The following AFAP1 variants were observed in gnomAD, a reference collection of about 807,000 sequenced individuals.
The protein encoded by AFAP1 is actin filament associated protein 1.
AFAP1 carries 75 observed loss-of-function variants against 93.9 expected under a neutral mutation model. The ratio of observed to expected loss-of-function variants is 0.80; its 90% confidence interval spans 0.66 to 0.97. AFAP1 has a LOEUF of 0.97. Among genes scored for constraint, AFAP1 ranks in the 50% least tolerant of loss-of-function variants. AFAP1 has a pLI of 0.00. For synonymous variants in AFAP1, 517 were observed against 430.7 expected (o/e 1.20, Z -2.48); for missense variants, 1,201 against 1,050.8 (o/e 1.14, Z -1.98).
chr4:7,857,234 T>C (rs1715170776), intron 3 of AFAP1, among the ~76,000 whole-genome samples: 2 of 152,140 alleles, frequency 1.3e-5, no homozygotes. Flanking sequence ...AGTATGGGGC[T>C]GTTGCGTTTT....
intron 3 of AFAP1, among the ~76,000 whole-genome samples, chr4:7,858,899 T>C (rs560063034): frequency 1.3e-5 from 2 of 152,304 alleles, no homozygotes; most frequent in East Asian, 3.9e-4. Flanking sequence ...CAAAATTCCA[T>C]TGAGAGCTGA....
chr4:7,844,921 T>G (rs1418667191), intron 4 of AFAP1, among the ~76,000 whole-genome samples: 1 of 152,234 alleles, frequency 6.6e-6, no homozygotes, highest in African/African-American at 2.4e-5. Flanking sequence ...GAATGAGAGA[T>G]AAGGAGAACA....
At chr4:7,842,528 G>A (rs1453086695) in intron 5 of AFAP1, among the ~76,000 whole-genome samples, 3 of 151,872 alleles carry the variant, frequency 2.0e-5, no homozygotes, top group South Asian at 2.1e-4. Context: ...AAGGAAGGTG[G>A]GGAGGGAGTG....
At chr4:7,839,926 T>C (rs1324060250) in intron 5 of AFAP1, among the ~76,000 whole-genome samples, 1 of 152,240 alleles carries the variant, frequency 6.6e-6, no homozygotes, top group Non-Finnish European at 1.5e-5. Flanking sequence ...TTTGCAGTTA[T>C]TGTTATTATT....
At chr4:7,800,402 G>A in intron 10 of AFAP1, 40 bp downstream of exon 10, 1 of 1,599,674 alleles carries the variant, frequency 6.3e-7, no homozygotes, top group Non-Finnish European at 8.6e-7. Context: ...ATCACCGCGT[G>A]TGTCCCTCTG....
At chr4:7,923,126 A>G (rs1252740196) in intron 1 of AFAP1, among the ~76,000 whole-genome samples, 6 of 135,610 alleles carry the variant, frequency 4.4e-5, no homozygotes, top group African/African-American at 1.4e-4. Flanking sequence ...GGAAGCTATT[A>G]TAAGAAGACA....
intron 5 of AFAP1, among the ~76,000 whole-genome samples, chr4:7,841,171 G>C (rs1425922852): frequency 6.6e-6 from 1 of 152,226 alleles, no homozygotes; most frequent in East Asian, 1.9e-4. Flanking sequence ...ACAACACCAG[G>C]AGCAAGGAGA....
chr4:7,915,449 A>G (rs1720036165), intron 1 of AFAP1, among the ~76,000 whole-genome samples: 1 of 150,586 alleles, frequency 6.6e-6, no homozygotes, highest in Non-Finnish European at 1.5e-5. Context: ...AGCCTAGACC[A>G]GCCCAGGCAA....
At chr4:7,767,331 T>C (rs753840750) in intron 17 of AFAP1, among the ~76,000 whole-genome samples, 1 of 152,132 alleles carries the variant, frequency 6.6e-6, no homozygotes, top group Non-Finnish European at 1.5e-5. Flanking sequence ...CACACGGTGA[T>C]GGGAGCCCTT....
intron 16 of AFAP1, among the ~76,000 whole-genome samples, chr4:7,770,730 G>A (rs372629841): frequency 1.3e-5 from 2 of 152,240 alleles, no homozygotes; most frequent in East Asian, 3.9e-4. Flanking sequence ...AGCCCAGGAA[G>A]CCCAGCCCCT....
chr4:7,844,719 C>G (rs1713486143), intron 4 of AFAP1, among the ~76,000 whole-genome samples: 1 of 152,370 alleles, frequency 6.6e-6, no homozygotes, highest in East Asian at 1.9e-4. Flanking sequence ...CTTGGAAGGG[C>G]CAATGGCGTA....
At chr4:7,870,682 A>G (rs1355299461) in intron 2 of AFAP1, among the ~76,000 whole-genome samples, 2 of 152,006 alleles carry the variant, frequency 1.3e-5, no homozygotes, top group African/African-American at 2.4e-5. Context: ...TTAATATTTC[A>G]TATTACCCCA....
intron 1 of AFAP1, among the ~76,000 whole-genome samples, chr4:7,885,877 A>G (rs2149201420): frequency 1.3e-5 from 2 of 152,228 alleles, no homozygotes; most frequent in East Asian, 3.8e-4. Flanking sequence ...CTGTGTGAGA[A>G]TACTCGGTGT....
At chr4:7,768,146 G>T (rs982434778) in intron 17 of AFAP1, among the ~76,000 whole-genome samples, 1 of 152,252 alleles carries the variant, frequency 6.6e-6, no homozygotes, top group Admixed American at 6.5e-5. Flanking sequence ...CCGTGTTCCA[G>T]CCCCTCGGGG....
At chr4:7,919,758 A>G (rs1720330688) in intron 1 of AFAP1, among the ~76,000 whole-genome samples, 1 of 152,116 alleles carries the variant, frequency 6.6e-6, no homozygotes, top group Admixed American at 6.6e-5. Context: ...GAGCCCAGCC[A>G]GCATGCATTA....
intron 8 of AFAP1, among the ~76,000 whole-genome samples, chr4:7,812,376 G>A (rs147325876): frequency 8.5e-5 from 13 of 152,146 alleles, no homozygotes; most frequent in African/African-American, 2.6e-4. Context: ...GTGCTTGCTC[G>A]ACTCTGACTG....
chr4:7,903,540 A>G (rs796743206), intron 1 of AFAP1, among the ~76,000 whole-genome samples: 73 of 152,332 alleles, frequency 4.8e-4, no homozygotes, highest in African/African-American at 1.7e-3. Flanking sequence ...TTAGCTGGGC[A>G]TGGTGGTGCA....
At chr4:7,900,909 C>T (rs943113430) in intron 1 of AFAP1, among the ~76,000 whole-genome samples, 3 of 152,108 alleles carry the variant, frequency 2.0e-5, no homozygotes, top group African/African-American at 4.8e-5. Flanking sequence ...CCTGAGACAC[C>T]GTCAGGGCCT....
At chr4:7,924,833 A>G (rs1328534468) in intron 1 of AFAP1, among the ~76,000 whole-genome samples, 1 of 151,492 alleles carries the variant, frequency 6.6e-6, no homozygotes, top group African/African-American at 2.4e-5. Context: ...CTAAATGACA[A>G]CTCTGTCCCA....
Sources: allele counts gnomAD v4.1 joint callset (sites outside exome capture counted in the v4.1 genomes callset), GRCh38; gene constraint gnomAD v4.1.1; transcripts MANE v1.5; gene names NCBI Gene and HGNC (gene_info 2026-07-23, HGNC 2026-07-21).